The following KCNAB1 variants were observed in gnomAD, a reference collection of about 807,000 sequenced individuals.
KCNAB1 encodes the protein voltage-gated potassium channel subunit beta-1.
Under a neutral mutation model 64.6 loss-of-function variants are expected in KCNAB1, and 35 were observed. The ratio of observed to expected loss-of-function variants is 0.54; its 90% CI spans 0.41 to 0.72. The LOEUF (loss-of-function observed/expected upper bound fraction) is 0.72, where lower values mean the gene tolerates loss of function less well. KCNAB1 is among the 30% of genes least tolerant of loss of function. The pLI, the probability that KCNAB1 is intolerant of heterozygous loss-of-function variation, is 0.00. For missense variants in KCNAB1, 401 were observed against 512.9 expected, an observed-to-expected ratio of 0.78 and a Z score of 2.11; for synonymous variants, 177 against 183.8, an observed-to-expected ratio of 0.96 and a Z score of 0.30.
At chr3:156,183,784 T>C (rs1295874593) in intron 1 of KCNAB1, among the ~76,000 whole-genome samples, 1 of 152,200 alleles carries the variant, frequency 6.6e-6, no homozygotes, top group Non-Finnish European at 1.5e-5. Flanking sequence ...GTAATAAGCA[T>C]AATTATACAT....
chr3:156,405,955 A>T (rs980653531), intron 1 of KCNAB1, among the ~76,000 whole-genome samples: 1 of 152,148 alleles, frequency 6.6e-6, no homozygotes, highest in Non-Finnish European at 1.5e-5. Flanking sequence ...GGAGCTCTTG[A>T]TTCAATATAT....
chr3:156,231,281 A>G (rs905091950), intron 1 of KCNAB1, among the ~76,000 whole-genome samples: 1 of 152,124 alleles, frequency 6.6e-6, no homozygotes, highest in Non-Finnish European at 1.5e-5. Flanking sequence ...TGTCCTACAA[A>G]CCATAAATTC....
At chr3:156,281,472 G>A (rs2108504392) in intron 1 of KCNAB1, among the ~76,000 whole-genome samples, 1 of 150,708 alleles carries the variant, frequency 6.6e-6, no homozygotes, top group South Asian at 2.1e-4. Context: ...GAATGATGCT[G>A]GCCTCATAAA....
intron 1 of KCNAB1, among the ~76,000 whole-genome samples, chr3:156,223,950 G>C (rs772794515): frequency 6.6e-6 from 1 of 152,362 alleles, no homozygotes; most frequent in East Asian, 1.9e-4. Context: ...ACCGGGCTCC[G>C]TGGAGCAGGG....
intron 8 of KCNAB1, among the ~76,000 whole-genome samples, chr3:156,495,504 A>T (rs1283090471): frequency 6.6e-6 from 1 of 152,312 alleles, no homozygotes; most frequent in Non-Finnish European, 1.5e-5. Flanking sequence ...GATAGACTTG[A>T]TAAAGAAAAT....
chr3:156,393,893 T>C (rs548505762), intron 1 of KCNAB1, among the ~76,000 whole-genome samples: 1 of 152,342 alleles, frequency 6.6e-6, no homozygotes, highest in Non-Finnish European at 1.5e-5. Context: ...AGGAAGAAGA[T>C]GCTAAAGATA....
At chr3:156,323,144 A>AT (rs1261580537) in intron 1 of KCNAB1, among the ~76,000 whole-genome samples, 1 of 152,016 alleles carries the variant, frequency 6.6e-6, no homozygotes, top group Non-Finnish European at 1.5e-5. Context: ...ATTCTTCTTA[A>AT]TTTTTTTAAG....
chr3:156,274,158 T>C (rs1340705285), intron 1 of KCNAB1, among the ~76,000 whole-genome samples: 1 of 152,182 alleles, frequency 6.6e-6, no homozygotes, highest in Admixed American at 6.5e-5. Flanking sequence ...ATGGGGTAAC[T>C]GATACATACC....
intron 1 of KCNAB1, among the ~76,000 whole-genome samples, chr3:156,331,995 C>T (rs576701632): frequency 3.3e-5 from 5 of 152,298 alleles, no homozygotes; most frequent in African/African-American, 1.2e-4. Flanking sequence ...CTCAGGATAT[C>T]TAAGGCTGGG....
chr3:156,438,654 A>G (rs1716758353), intron 2 of KCNAB1, among the ~76,000 whole-genome samples: 1 of 152,202 alleles, frequency 6.6e-6, no homozygotes, highest in Non-Finnish European at 1.5e-5. Context: ...TGCTTGTACT[A>G]GTACTATTTG....
chr3:156,342,590 T>C (rs933322133), intron 1 of KCNAB1, among the ~76,000 whole-genome samples: 170 of 131,898 alleles, frequency 1.3e-3, no homozygotes, highest in Admixed American at 5.0e-3. Context: ...TGTTTCTTTT[T>C]TTTTTTTTTT....
chr3:156,298,578 TC>T (rs1720945664), intron 1 of KCNAB1, among the ~76,000 whole-genome samples: 1 of 152,260 alleles, frequency 6.6e-6, no homozygotes, highest in Non-Finnish European at 1.5e-5. Flanking sequence ...TTTTTAAAAT[TC>T]CTTTCATCAA....
chr3:156,146,088 G>C (rs779202150), intron 1 of KCNAB1, among the ~76,000 whole-genome samples: 3 of 152,140 alleles, frequency 2.0e-5, no homozygotes, highest in Non-Finnish European at 2.9e-5. Flanking sequence ...ATCTGTGAGA[G>C]AGCATTATGT....
At chr3:156,183,876 C>A (rs1713025700) in intron 1 of KCNAB1, among the ~76,000 whole-genome samples, 1 of 152,198 alleles carries the variant, frequency 6.6e-6, no homozygotes, top group Non-Finnish European at 1.5e-5. Flanking sequence ...GCTATTGACT[C>A]AGGTTGCGTG....
At chr3:156,206,626 T>A (rs925495063) in intron 1 of KCNAB1, among the ~76,000 whole-genome samples, 1 of 152,254 alleles carries the variant, frequency 6.6e-6, no homozygotes, top group African/African-American at 2.4e-5. Flanking sequence ...CCACCATTTT[T>A]TGGATAACCC....
chr3:156,119,529 C>T (rs1713226248), upstream of KCNAB1, among the ~76,000 whole-genome samples: 1 of 152,146 alleles, frequency 6.6e-6, no homozygotes, highest in Non-Finnish European at 1.5e-5. Context: ...CAATTTTTAA[C>T]TTACGGTTTT....
At chr3:156,375,262 C>A (rs1374417127) in intron 1 of KCNAB1, among the ~76,000 whole-genome samples, 1 of 135,518 alleles carries the variant, frequency 7.4e-6, no homozygotes, top group East Asian at 1.9e-4. Flanking sequence ...ATCCTCTCTT[C>A]CTTGCAAAAG....
chr3:156,152,774 C>T (rs1420775394), intron 1 of KCNAB1, among the ~76,000 whole-genome samples: 1 of 152,202 alleles, frequency 6.6e-6, no homozygotes, highest in African/African-American at 2.4e-5. Flanking sequence ...TGCATAGTGA[C>T]AATACATGCC....
At chr3:156,218,954 G>A (rs1715518617) in intron 1 of KCNAB1, among the ~76,000 whole-genome samples, 1 of 151,924 alleles carries the variant, frequency 6.6e-6, no homozygotes, top group Non-Finnish European at 1.5e-5. Flanking sequence ...AAAAGAACCT[G>A]AACAGCAGCC....
Sources: allele counts gnomAD v4.1 joint callset (sites outside exome capture counted in the v4.1 genomes callset), GRCh38; gene constraint gnomAD v4.1.1; transcripts MANE v1.5; gene names NCBI Gene and HGNC (gene_info 2026-07-23, HGNC 2026-07-21).